LGSN: variants seen among roughly 807,000 people sequenced by gnomAD.
LGSN encodes lengsin.
A neutral mutation model predicts 19.5 loss-of-function variants in LGSN; 21 were observed. The observed-to-expected ratio is 1.07, with a 90% CI of 0.76 to 1.55. The LOEUF is 1.55. Among genes scored for constraint, LGSN ranks in the 40% most tolerant of loss-of-function variants. The pLI, the probability that LGSN is intolerant of heterozygous loss-of-function variation, is 0.00. For synonymous variants in LGSN, 257 were observed against 215.6 expected (o/e 1.19, Z -1.68); for missense variants, 673 against 608.5 (o/e 1.11, Z -1.12).
At chr6:63,316,633 G>A (rs544640730) in intron 1 of LGSN, among the ~76,000 whole-genome samples, 10 of 151,958 alleles carry the variant, frequency 6.6e-5, no homozygotes, top group Admixed American at 1.3e-4. Flanking sequence ...AATTAAGATC[G>A]TATGGCTAAA....
the LGSN span, among the ~76,000 whole-genome samples, chr6:63,384,516 TGTGTG>T: frequency 6.6e-6 from 1 of 151,644 alleles, no homozygotes; most frequent in African/African-American, 2.4e-5. Context: ...TGTGTGTGTG[TGTGTG>T]TGTGTGTGTG....
chr6:63,441,401 A>T, the LGSN span: 1 of 463,550 alleles, frequency 2.2e-6, no homozygotes, highest in Non-Finnish European at 4.3e-6. Flanking sequence ...GAAGAACCTG[A>T]AGTGGCTGGA....
intron 1 of LGSN, among the ~76,000 whole-genome samples, chr6:63,313,697 A>G (rs1768720152): frequency 6.6e-6 from 1 of 152,000 alleles, no homozygotes; most frequent in Admixed American, 6.6e-5. Context: ...TTAGCTGGAC[A>G]TGGTGGTGCA....
the LGSN span, among the ~76,000 whole-genome samples, chr6:63,544,998 C>T: frequency 6.6e-6 from 1 of 152,118 alleles, no homozygotes; most frequent in South Asian, 2.1e-4. Context: ...ACTGATGATT[C>T]GATCCCAAAT....
At chr6:63,375,408 T>C in the LGSN span, among the ~76,000 whole-genome samples, 1 of 150,984 alleles carries the variant, frequency 6.6e-6, no homozygotes, top group African/African-American at 2.4e-5. Context: ...TATATTTATA[T>C]TTATATTATT....
the LGSN span, among the ~76,000 whole-genome samples, chr6:63,417,384 A>C: frequency 6.6e-6 from 1 of 151,952 alleles, no homozygotes; most frequent in Non-Finnish European, 1.5e-5. Flanking sequence ...CCCTTCCTCT[A>C]AGTTTCTAAG....
the LGSN span, among the ~76,000 whole-genome samples, chr6:63,483,836 TA>T: frequency 6.6e-6 from 1 of 151,928 alleles, no homozygotes; most frequent in Non-Finnish European, 1.5e-5. Context: ...CTTTTTTTTT[TA>T]AGACAGGGTC....
At chr6:63,491,721 T>C in the LGSN span, among the ~76,000 whole-genome samples, 1 of 152,176 alleles carries the variant, frequency 6.6e-6, no homozygotes, top group South Asian at 2.1e-4. Flanking sequence ...CATGTGCTAG[T>C]GTGGTTTCAC....
At chr6:63,523,534 A>AATAT in the LGSN span, among the ~76,000 whole-genome samples, 5 of 152,064 alleles carry the variant, frequency 3.3e-5, no homozygotes, top group African/African-American at 7.2e-5. Context: ...TAAATAAATA[A>AATAT]ATAAAAGAAA....
the LGSN span, among the ~76,000 whole-genome samples, chr6:63,433,402 C>A: frequency 6.6e-6 from 1 of 152,116 alleles, no homozygotes; most frequent in African/African-American, 2.4e-5. Context: ...CACAGAGATA[C>A]CAAGTTGCCT....
the LGSN span, among the ~76,000 whole-genome samples, chr6:63,474,906 AAAGAAAAT>A: frequency 6.6e-6 from 1 of 151,628 alleles, no homozygotes; most frequent in Non-Finnish European, 1.5e-5. Context: ...AAAAAAAAGG[AAAGAAAAT>A]GAGAAAATGA....
chr6:63,513,932 A>AAAC, the LGSN span, among the ~76,000 whole-genome samples: 62 of 114,470 alleles, frequency 5.4e-4, 3 homozygotes, highest in Admixed American at 6.7e-4. Context: ...AAAAAAAAAA[A>AAAC]AAAACACTGG....
chr6:63,458,318 C>T, the LGSN span, among the ~76,000 whole-genome samples: 2 of 152,152 alleles, frequency 1.3e-5, no homozygotes, highest in East Asian at 3.9e-4. Flanking sequence ...CCACCCACCT[C>T]GGCCTCCCAA....
At chr6:63,332,372 C>T in the LGSN span, among the ~76,000 whole-genome samples, 2 of 152,076 alleles carry the variant, frequency 1.3e-5, no homozygotes, top group African/African-American at 4.8e-5. Context: ...GGGCAAGGGT[C>T]AGGATAGATA....
the LGSN span, among the ~76,000 whole-genome samples, chr6:63,373,170 C>T: frequency 6.6e-6 from 1 of 152,202 alleles, no homozygotes; most frequent in Non-Finnish European, 1.5e-5. Context: ...CTCACCACCT[C>T]CCTTACCTCC....
At chr6:63,402,692 G>C in the LGSN span, among the ~76,000 whole-genome samples, 1 of 152,112 alleles carries the variant, frequency 6.6e-6, no homozygotes, top group South Asian at 2.1e-4. Context: ...AATTAGATGG[G>C]TGATGTGATG....
the LGSN span, among the ~76,000 whole-genome samples, chr6:63,359,371 T>C: frequency 1.2e-4 from 19 of 152,244 alleles, no homozygotes; most frequent in African/African-American, 4.3e-4. Context: ...GAGGATTCTG[T>C]CTTTTTCTAT....
At chr6:63,367,860 A>T in the LGSN span, among the ~76,000 whole-genome samples, 1 of 150,554 alleles carries the variant, frequency 6.6e-6, no homozygotes, top group South Asian at 2.1e-4. Flanking sequence ...TAAACACTGC[A>T]TGTTCTCACT....
At chr6:63,488,133 A>G in the LGSN span, among the ~76,000 whole-genome samples, 12 of 152,222 alleles carry the variant, frequency 7.9e-5, no homozygotes, top group East Asian at 2.3e-3. Flanking sequence ...TGACAAGATA[A>G]ACTCACAATC....
Sources: gnomAD v4.1 joint callset for allele counts (sites outside exome capture counted in the v4.1 genomes callset) on GRCh38, gnomAD v4.1.1 for gene constraint, MANE v1.5 for transcripts, NCBI Gene and HGNC (gene_info 2026-07-23, HGNC 2026-07-21) for gene names.